Variants in CREBRF observed in about 807,000 individuals in gnomAD.
CREBRF encodes CREB3 regulatory factor.
A neutral mutation model predicts 66.1 loss-of-function variants in CREBRF; 5 were observed. The ratio of observed to expected loss-of-function variants is 0.08; its 90% confidence interval spans 0.04 to 0.16. The LOEUF (loss-of-function observed/expected upper bound fraction) is 0.16. Ranked by LOEUF, CREBRF falls within the 10% of genes least tolerant of loss-of-function variation. The pLI is 1.00. For missense variants in CREBRF, 531 were observed against 744.9 expected (o/e 0.71, Z 3.34); for synonymous variants, 229 against 264.4 (o/e 0.87, Z 1.30).
chr5:173,106,377 C>T (rs1198273412), intron 4 of CREBRF, among the ~76,000 whole-genome samples: 2 of 151,536 alleles, frequency 1.3e-5, no homozygotes, highest in Non-Finnish European at 2.9e-5. Context: ...TTGCAGTGAG[C>T]CAAGATCGTG....
chr5:173,087,726 C>T (rs1758202648), intron 3 of CREBRF, among the ~76,000 whole-genome samples: 1 of 152,024 alleles, frequency 6.6e-6, no homozygotes. Context: ...TGGCTCATGC[C>T]TGTAATCCCA....
chr5:173,108,971 C>G (rs1056627269), intron 5 of CREBRF, 153 bp downstream of exon 5: 2 of 635,688 alleles, frequency 3.1e-6, no homozygotes, highest in Non-Finnish European at 5.4e-6. Context: ...GACTACTCTT[C>G]GTCACTCACA....
rs1016765972 is a variant in CREBRF at position 173,108,829 on chromosome 5, A to T, written c.1417+11A>T. 2.6e-5 allele frequency: 42 copies of T among 1,606,374 alleles called. No individual in the cohort carries two copies. The highest frequency in any genetic ancestry group is 3.5e-5 in the Non-Finnish European group (41 of 1,175,966). ...ATGGCTTACATCATGGTAAGAGGGGATTGCAGTCAGATATTTAGTGTCACT... is the reference window on the plus strand; with the variant it reads ...ATGGCTTACATCATGGTAAGAGGGGTTTGCAGTCAGATATTTAGTGTCACT... On this transcript the variant is annotated intron_variant, in intron 5 of 8. Transcript: ENST00000296953.
intron 2 of CREBRF, among the ~76,000 whole-genome samples, chr5:173,082,115 G>T (rs575938860): frequency 2.9e-5 from 4 of 139,304 alleles, no homozygotes; most frequent in African/African-American, 1.1e-4. Flanking sequence ...CCGGGTTCAC[G>T]CCATTCTCCT....
At chr5:173,114,212 A>G (rs1205609287) in intron 7 of CREBRF, among the ~76,000 whole-genome samples, 1 of 152,228 alleles carries the variant, frequency 6.6e-6, no homozygotes, top group African/African-American at 2.4e-5. Flanking sequence ...TGAATTAGAT[A>G]AAATAATTGT....
At chr5:173,079,295 T>C (rs952179113) in intron 1 of CREBRF, among the ~76,000 whole-genome samples, 19 of 151,852 alleles carry the variant, frequency 1.3e-4, no homozygotes, top group African/African-American at 4.6e-4. Context: ...TTAATCTAAT[T>C]AAGTAGAACA....
chr5:173,065,906 G>C (rs1180540055), intron 1 of CREBRF, among the ~76,000 whole-genome samples: 2 of 151,934 alleles, frequency 1.3e-5, no homozygotes, highest in African/African-American at 4.8e-5. Flanking sequence ...CAAAATGTGC[G>C]ATTACAGGCG....
At chr5:173,073,705 C>T (rs924883692) in intron 1 of CREBRF, among the ~76,000 whole-genome samples, 11 of 152,232 alleles carry the variant, frequency 7.2e-5, no homozygotes, top group Admixed American at 2.6e-4. Context: ...CAGTGGCTTA[C>T]GCCTGTAATC....
chr5:173,121,019 A>C (rs1759127719), intron 7 of CREBRF, among the ~76,000 whole-genome samples: 2 of 151,924 alleles, frequency 1.3e-5, no homozygotes, highest in Non-Finnish European at 2.9e-5. Context: ...TGGATTTTAA[A>C]TTGTGTTTTC....
At chr5:173,071,473 G>A (rs1468741777) in intron 1 of CREBRF, among the ~76,000 whole-genome samples, 3 of 151,978 alleles carry the variant, frequency 2.0e-5, no homozygotes, top group Non-Finnish European at 2.9e-5. Flanking sequence ...GCCTCCCAAA[G>A]TGCAGGGATT....
At chr5:173,110,366 A>G (rs1352645884) in intron 5 of CREBRF, 156 bp from the exon 6 acceptor site, 3 of 712,638 alleles carry the variant, frequency 4.2e-6, no homozygotes, top group East Asian at 2.7e-5. Context: ...CAGCCCTTCT[A>G]GGATAGATTG....
intron 1 of CREBRF, among the ~76,000 whole-genome samples, chr5:173,059,294 C>T (rs1159117311): frequency 6.0e-5 from 6 of 99,692 alleles, no homozygotes; most frequent in Non-Finnish European, 9.5e-5. Context: ...GACGGAGTTT[C>T]GCCCTTGTCG....
At chr5:173,088,489 C>CA (rs553969460) in intron 3 of CREBRF, among the ~76,000 whole-genome samples, 50,253 of 83,392 alleles carry the variant, frequency 0.6, 13,845 homozygotes, top group Non-Finnish European at 0.68. Flanking sequence ...GACCCCGTCT[C>CA]AAAAAAAAAA....
chr5:173,124,559 CAAAAAAAAAAAA>C (rs540860912), intron 8 of CREBRF: 6 of 76,226 alleles, frequency 7.9e-5, no homozygotes, highest in Admixed American at 7.1e-4. Flanking sequence ...AACTCTGTCT[CAAAAAAAAAAAA>C]AAAAAAAGAA....
chr5:173,093,728 G>C (rs1758406932), intron 4 of CREBRF, among the ~76,000 whole-genome samples: 1 of 152,106 alleles, frequency 6.6e-6, no homozygotes. Context: ...TGTTGCCCAG[G>C]CATGTCTTGA....
At chr5:173,077,502 C>G (rs1024774356) in intron 1 of CREBRF, among the ~76,000 whole-genome samples, 1 of 152,084 alleles carries the variant, frequency 6.6e-6, no homozygotes, top group Non-Finnish European at 1.5e-5. Context: ...AAGCGATTCT[C>G]CTGCCTCAGC....
At chr5:173,061,632 A>AGTCAC (rs1757276707) in intron 1 of CREBRF, among the ~76,000 whole-genome samples, 1 of 152,240 alleles carries the variant, frequency 6.6e-6, no homozygotes, top group Non-Finnish European at 1.5e-5. Flanking sequence ...TCACGTGAAT[A>AGTCAC]GTCAACACAT....
chr5:173,112,467 T>C, intron 7 of CREBRF, 88 bp downstream of exon 7: 2 of 932,334 alleles, frequency 2.1e-6, no homozygotes, highest in East Asian at 5.2e-5. Flanking sequence ...TTGCTTTCGC[T>C]GTATTCTGCC....
intron 4 of CREBRF, among the ~76,000 whole-genome samples, chr5:173,098,180 A>G (rs924677833): frequency 7.0e-5 from 10 of 142,384 alleles, no homozygotes; most frequent in Admixed American, 6.3e-4. Context: ...CAATTTTCCA[A>G]TTTTCCTTCT....
Sources: allele counts gnomAD v4.1 joint callset (sites outside exome capture counted in the v4.1 genomes callset), GRCh38; gene constraint gnomAD v4.1.1; transcripts MANE v1.5; gene names NCBI Gene and HGNC (gene_info 2026-07-23, HGNC 2026-07-21).